The following LIMCH1 variants were observed in gnomAD, a reference collection of about 807,000 sequenced individuals.
The protein encoded by LIMCH1 is LIM and calponin homology domains 1, also known as LIM and calponin homology domains-containing protein 1.
Under a neutral mutation model 176.5 loss-of-function variants are expected in LIMCH1, and 113 were observed. That is an observed-to-expected ratio of 0.64 (90% CI 0.55 to 0.75). The LOEUF (loss-of-function observed/expected upper bound fraction) is 0.75, where lower values mean the gene tolerates loss of function less well. Ranked by LOEUF, LIMCH1 falls within the 30% of genes least tolerant of loss-of-function variation. The pLI is 0.00. For missense variants in LIMCH1, 1,674 were observed against 1,814.9 expected, an observed-to-expected ratio of 0.92 and a Z score of 1.41; for synonymous variants, 619 against 645.9, an observed-to-expected ratio of 0.96 and a Z score of 0.63.
chr4:41,552,030 G>A (rs887770032), intron 1 of LIMCH1, among the ~76,000 whole-genome samples: 1 of 152,190 alleles, frequency 6.6e-6, no homozygotes, highest in African/African-American at 2.4e-5. Flanking sequence ...TCACAATCAT[G>A]GCAGAAGAGC....
intron 25 of LIMCH1, among the ~76,000 whole-genome samples, chr4:41,681,979 A>G (rs1716362004): frequency 6.6e-6 from 1 of 152,202 alleles, no homozygotes; most frequent in South Asian, 2.1e-4. Context: ...AGAAGATGGA[A>G]GTACAGGGCA....
At chr4:41,644,765 T>TG in intron 15 of LIMCH1, 139 bp downstream of exon 15, 2 of 1,061,400 alleles carry the variant, frequency 1.9e-6, no homozygotes, top group Non-Finnish European at 2.6e-6. Flanking sequence ...ACGGTAAATG[T>TG]GGGACTCAAA....
chr4:41,361,457 C>G (rs1285148772), intron 1 of LIMCH1, among the ~76,000 whole-genome samples: 1 of 152,230 alleles, frequency 6.6e-6, no homozygotes, highest in Admixed American at 6.5e-5. Context: ...TTGCTGTATT[C>G]CTGGCACCGG....
intron 1 of LIMCH1, among the ~76,000 whole-genome samples, chr4:41,409,388 G>A (rs994094829): frequency 1.7e-4 from 26 of 152,038 alleles, no homozygotes; most frequent in African/African-American, 6.0e-4. Context: ...GATTAATGCC[G>A]CCAGTAGTAG....
intron 18 of LIMCH1, among the ~76,000 whole-genome samples, chr4:41,652,208 A>G (rs966060922): frequency 4.6e-5 from 7 of 151,906 alleles, no homozygotes; most frequent in African/African-American, 7.3e-5. Flanking sequence ...GGATATCATT[A>G]TTTTTTTCCT....
intron 1 of LIMCH1, among the ~76,000 whole-genome samples, chr4:41,364,497 C>A (rs2154092170): frequency 6.6e-6 from 1 of 152,276 alleles, no homozygotes; most frequent in Middle Eastern, 3.4e-3. Context: ...TTATCTCACT[C>A]TGTTAACTCT....
intron 1 of LIMCH1, among the ~76,000 whole-genome samples, chr4:41,554,305 G>A (rs575167243): frequency 6.6e-6 from 1 of 152,246 alleles, no homozygotes; most frequent in African/African-American, 2.4e-5. Context: ...GGCTGAATTG[G>A]TGGCTCTGCT....
chr4:41,360,829 G>T lies in LIMCH1; in HGVS notation c.-12G>T. On this transcript the variant is annotated 5_prime_UTR_variant, in exon 1 of 27. Transcript: ENST00000313860. The surrounding 1 kb of genome is among the most constrained non-coding windows in gnomAD (Gnocchi z 4.5). ...CTCATCCCGGCGCTTGAGAGGACGC[G>T]GGGCTGCGCAAATGGCTTGTCCCGC... is the stretch of plus-strand genomic sequence containing the variant. The T allele has an allele frequency of 6.5e-7, 1 of 1,537,906 alleles. No homozygotes were observed.
chr4:41,497,536 G>C (rs943935508), intron 2 of LIMCH1, among the ~76,000 whole-genome samples: 1 of 152,148 alleles, frequency 6.6e-6, no homozygotes, highest in African/African-American at 2.4e-5. Context: ...GGGCACGGTG[G>C]CTCACGCCTG....
intron 2 of LIMCH1, among the ~76,000 whole-genome samples, chr4:41,501,700 G>A (rs1350449807): frequency 6.6e-6 from 1 of 151,884 alleles, no homozygotes; most frequent in Non-Finnish European, 1.5e-5. Flanking sequence ...CCCTTTTCCT[G>A]GTGATGAGGC....
At chr4:41,491,837 CCAT>C (rs1251980316) in intron 1 of LIMCH1, among the ~76,000 whole-genome samples, 32 of 149,214 alleles carry the variant, frequency 2.1e-4, no homozygotes, top group South Asian at 4.3e-4. Context: ...TCCTCACTTC[CCAT>C]TCGGGGCAGC....
chr4:41,650,804 C>T (rs2094262946), intron 18 of LIMCH1, among the ~76,000 whole-genome samples, 196 bp downstream of exon 18: 1 of 152,078 alleles, frequency 6.6e-6, no homozygotes, highest in Non-Finnish European at 1.5e-5. Context: ...AGCTAGAAGT[C>T]CAAAACCAAG....
At chr4:41,576,826 T>C (rs1382122502) in intron 1 of LIMCH1, among the ~76,000 whole-genome samples, 1 of 152,142 alleles carries the variant, frequency 6.6e-6, no homozygotes, top group African/African-American at 2.4e-5. Flanking sequence ...AAAAGCAAGA[T>C]GTACCTACAT....
intron 1 of LIMCH1, among the ~76,000 whole-genome samples, chr4:41,485,592 C>A (rs957858648): frequency 1.3e-5 from 2 of 152,160 alleles, no homozygotes; most frequent in South Asian, 2.1e-4. Context: ...TTATGCCCAC[C>A]TTTAAGACAG....
At chr4:41,665,735 A>G (rs150126342) in intron 20 of LIMCH1, among the ~76,000 whole-genome samples, 1 of 152,282 alleles carries the variant, frequency 6.6e-6, no homozygotes, top group East Asian at 1.9e-4. Flanking sequence ...ACCAATGCTT[A>G]TTTTAGACAT....
intron 1 of LIMCH1, among the ~76,000 whole-genome samples, chr4:41,373,787 C>T (rs1198772871): frequency 6.6e-6 from 1 of 152,182 alleles, no homozygotes; most frequent in African/African-American, 2.4e-5. Flanking sequence ...CTGCCCAAAT[C>T]TCATGTTGAA....
chr4:41,492,995 T>A (rs1001978844), intron 1 of LIMCH1, among the ~76,000 whole-genome samples: 2 of 152,152 alleles, frequency 1.3e-5, no homozygotes, highest in Non-Finnish European at 2.9e-5. Flanking sequence ...ACCATATATA[T>A]ATGGTTAATC....
At chr4:41,381,709 T>A (rs1233590913) in intron 1 of LIMCH1, among the ~76,000 whole-genome samples, 1 of 152,128 alleles carries the variant, frequency 6.6e-6, no homozygotes, top group African/African-American at 2.4e-5. Context: ...GTCATCGCTG[T>A]GACAAGATGC....
intron 1 of LIMCH1, among the ~76,000 whole-genome samples, chr4:41,390,239 GGAGAGAGAGAGAGAGA>G (rs34011822): frequency 1.4e-5 from 2 of 138,354 alleles, no homozygotes; most frequent in African/African-American, 5.3e-5. Context: ...TCTCTCTCAG[GGAGAGAGAGAGAGAGA>G]GAGAGAGAGA....
Sources: allele counts gnomAD v4.1 joint callset (sites outside exome capture counted in the v4.1 genomes callset), GRCh38; gene constraint gnomAD v4.1.1; non-coding constraint Gnocchi (gnomAD v3.1); transcripts MANE v1.5; gene names NCBI Gene and HGNC (gene_info 2026-07-23, HGNC 2026-07-21).